The following C16orf46 variants were observed in gnomAD, a reference collection of about 807,000 sequenced individuals.
The protein encoded by C16orf46 is uncharacterized protein C16orf46.
C16orf46 carries 7 observed loss-of-function variants against 5.5 expected under a neutral mutation model. The ratio of observed to expected loss-of-function variants is 1.28; its 90% confidence interval spans 0.73 to 2.40. The LOEUF is 2.40. C16orf46 is among the 30% of genes most tolerant of loss of function. C16orf46 has a pLI of 0.00. For synonymous variants in C16orf46, 200 were observed against 184.1 expected, an observed-to-expected ratio of 1.09 and a Z score of -0.70; for missense variants, 614 against 476.0, an observed-to-expected ratio of 1.29 and a Z score of -2.70.
chr16:81,062,019 G>A lies in C16orf46; in HGVS notation c.330C>T (p.His110=), dbSNP rs1329332833. 4.3e-6 allele frequency: 7 copies of A among 1,613,960 alleles called. No individual in the cohort carries two copies. Among genetic ancestry groups the A allele is most frequent in the Non-Finnish European group, 5.9e-6 (7 of 1,180,024 alleles). ...SDCLVCVNLS[H]WSLQTKPPTE... ...TAGGAGGCTTGGTCTGGAGGCTCCA[G>A]TGGGAGAGGTTAACACACACCAAGC... Residue 110 remains histidine, a synonymous_variant, in exon 4 of 4, where the codon CAC becomes CAT. Coordinates refer to ENST00000299578, the MANE Select transcript of C16orf46 (RefSeq NM_152337.3).
At chr16:81,057,110 A>G (rs1971321127), downstream of C16orf46, among the ~76,000 whole-genome samples, 1 of 152,180 alleles carries the variant, frequency 6.6e-6, no homozygotes, top group African/African-American at 2.4e-5. Context: ...GGCCCATCAC[A>G]AAGAATGATC....
intron 1 of C16orf46, among the ~76,000 whole-genome samples, chr16:81,074,297 G>A (rs1256027820): frequency 6.6e-6 from 1 of 152,192 alleles, no homozygotes; most frequent in Non-Finnish European, 1.5e-5. Context: ...AGAAGTGTCT[G>A]CTTTGAAATC....
intron 1 of C16orf46, chr16:81,070,069 G>A (rs1028299830): frequency 6.6e-6 from 1 of 152,030 alleles, no homozygotes; most frequent in African/African-American, 2.4e-5. Context: ...AGCTTGCAGT[G>A]AGCCGAGATC....
At chr16:81,071,474 C>G (rs1420867299) in intron 1 of C16orf46, among the ~76,000 whole-genome samples, 1 of 152,192 alleles carries the variant, frequency 6.6e-6, no homozygotes, top group Non-Finnish European at 1.5e-5. Flanking sequence ...CAGGCTGCTG[C>G]AGTGGCTCAC....
At chr16:81,064,254 C>G (rs1597143668) in intron 2 of C16orf46, among the ~76,000 whole-genome samples, 1 of 151,562 alleles carries the variant, frequency 6.6e-6, no homozygotes, top group African/African-American at 2.4e-5. Flanking sequence ...ATCCCAGCTA[C>G]TCGGGAGGCT....
chr16:81,060,191 A>G (rs1437009990), downstream of C16orf46, among the ~76,000 whole-genome samples: 4 of 152,138 alleles, frequency 2.6e-5, no homozygotes, highest in Non-Finnish European at 5.9e-5. Flanking sequence ...ATCTGAGGAC[A>G]TGGCACCCTG....
At chr16:81,057,984 T>G (rs1971353221), downstream of C16orf46, 1 of 167,510 alleles carries the variant, frequency 6.0e-6, no homozygotes, top group African/African-American at 2.4e-5. Context: ...GAGCCAAGAT[T>G]GTGCCATTGC....
At chr16:81,056,840 G>A (rs1026887029), downstream of C16orf46, among the ~76,000 whole-genome samples, 1 of 152,114 alleles carries the variant, frequency 6.6e-6, no homozygotes, top group African/African-American at 2.4e-5. Flanking sequence ...GGCAAGCTGG[G>A]CGTTCCCCCA....
intron 1 of C16orf46, among the ~76,000 whole-genome samples, chr16:81,074,770 C>T (rs1443928490): frequency 6.6e-6 from 1 of 151,948 alleles, no homozygotes; most frequent in Non-Finnish European, 1.5e-5. Context: ...CTAAAAATTC[C>T]TGTCTTCTTT....
intron 2 of C16orf46, among the ~76,000 whole-genome samples, chr16:81,065,346 C>T (rs1971623037): frequency 6.6e-6 from 1 of 151,908 alleles, no homozygotes; most frequent in African/African-American, 2.4e-5. Flanking sequence ...TGGTGGTGCA[C>T]ACCTGTAGTC....
chr16:81,063,722 G>A, intron 3 of C16orf46, 24 bp downstream of exon 3: 6 of 1,582,192 alleles, frequency 3.8e-6, no homozygotes, highest in Non-Finnish European at 5.2e-6. Flanking sequence ...AGACAGAAAA[G>A]CTGTGACTCA....
chr16:81,072,448 C>T (rs956620871), intron 1 of C16orf46, among the ~76,000 whole-genome samples: 1 of 146,582 alleles, frequency 6.8e-6, no homozygotes, highest in Non-Finnish European at 1.5e-5. Context: ...TGCAATGGTG[C>T]GATCTTAGCT....
At chr16:81,071,955 G>C (rs865823687) in intron 1 of C16orf46, 39 of 152,352 alleles carry the variant, frequency 2.6e-4, no homozygotes, top group African/African-American at 9.1e-4. Context: ...CTGGTCAACA[G>C]ACTGTGAGTG....
At chr16:81,062,615 G>T (rs1173639312) in intron 3 of C16orf46, among the ~76,000 whole-genome samples, 2 of 152,184 alleles carry the variant, frequency 1.3e-5, no homozygotes, top group Non-Finnish European at 2.9e-5. Context: ...GGGGAACACT[G>T]TTGCTTGGAG....
At chr16:81,071,951 A>G (rs1182992905) in intron 1 of C16orf46, 2 of 152,234 alleles carry the variant, frequency 1.3e-5, no homozygotes, top group Non-Finnish European at 2.9e-5. Flanking sequence ...TAGCCTGGTC[A>G]ACAGACTGTG....
At chr16:81,070,286 G>A (rs1339510324) in intron 1 of C16orf46, among the ~76,000 whole-genome samples, 3 of 152,154 alleles carry the variant, frequency 2.0e-5, no homozygotes, top group Non-Finnish European at 2.9e-5. Flanking sequence ...TCTTTACATT[G>A]ACAAGCAAGT....
chr16:81,061,940 G>A lies in C16orf46; in HGVS notation c.409C>T (p.Pro137Ser). ...QSSPSQTQAA[P>S]QGPSTASRAI... ...CTGGAAGCAGTGCTGGGGCCCTGGG[G>A]GGCTGCCTGAGTCTGGGAGGGGCTG... The change falls in exon 4 of 4, where the codon CCC (proline) becomes TCC (serine). Residue 137 changes from proline (P) to serine (S), a missense_variant. Pro to Ser is a moderately conservative substitution (Grantham distance 74). Transcript: ENST00000299578. 6.2e-7 allele frequency: 1 copy of A among 1,614,176 alleles called. No individual in the cohort carries two copies. Among genetic ancestry groups the A allele is most frequent in the Non-Finnish European group, 8.5e-7 (1 of 1,180,030 alleles).
rs757465481 is a variant in C16orf46 at position 81,061,997 on chromosome 16, G to A, written c.352C>T (p.Pro118Ser). Residue 118 changes from proline (P) to serine (S), a missense_variant, in exon 4 of 4, where the codon CCT (proline) becomes TCT (serine). By Grantham distance (74) the Pro-to-Ser change is moderately conservative. Coordinates refer to ENST00000299578, the MANE Select transcript of C16orf46 (RefSeq NM_152337.3). ...TCCTTCTCTGGGCCCCCCTCAGTAG[G>A]AGGCTTGGTCTGGAGGCTCCAGTGG... is the stretch of plus-strand genomic sequence containing the variant. ...LSHWSLQTKP[P>S]TEGGPEKDQS... The A allele has an allele frequency of 6.2e-7, 1 of 1,614,134 alleles. No individual in the cohort carries two copies. The highest frequency in any genetic ancestry group is 1.1e-5 in the South Asian group (1 of 91,090).
downstream of C16orf46, among the ~76,000 whole-genome samples, chr16:81,059,017 A>G (rs1378006361): frequency 6.6e-6 from 1 of 152,148 alleles, no homozygotes; most frequent in Non-Finnish European, 1.5e-5. Flanking sequence ...TACATGCAGG[A>G]TTAAAAGAGA....
Sources: gnomAD v4.1 joint callset for allele counts (sites outside exome capture counted in the v4.1 genomes callset) on GRCh38, gnomAD v4.1.1 for gene constraint, MANE v1.5 for transcripts, NCBI Gene and HGNC (gene_info 2026-07-23, HGNC 2026-07-21) for gene names.